Variants in HRH2 observed in about 807,000 individuals in gnomAD.
The protein encoded by HRH2 is histamine H2 receptor.
Under a neutral mutation model 20.1 loss-of-function variants are expected in HRH2, and 4 were observed. That is an observed-to-expected ratio of 0.20 (90% CI 0.10 to 0.45). The LOEUF (loss-of-function observed/expected upper bound fraction) is 0.45. HRH2 is among the 20% of genes least tolerant of loss of function. The probability of loss-of-function intolerance (pLI) is 0.99; values close to 1 mark genes in which losing one functional copy is unlikely to be tolerated. For synonymous variants in HRH2, 197 were observed against 200.7 expected, an observed-to-expected ratio of 0.98 and a Z score of 0.16; for missense variants, 250 against 461.6, an observed-to-expected ratio of 0.54 and a Z score of 4.20.
rs751766075 is a variant in HRH2 at position 175,681,427 on chromosome 5, G to A, written c.-525-1282G>A. 1.4e-4 allele frequency among the ~76,000 whole-genome samples: 22 copies of A among 152,122 alleles called. No homozygotes were observed. The highest frequency in any genetic ancestry group is 2.2e-4 in the Non-Finnish European group (15 of 68,014). ...TAGCTTGCTTCTGAGAGGGGGTTCCGCCATCAACTCGATTTCTGCACACAC... is the reference window on the plus strand; with the variant it reads ...TAGCTTGCTTCTGAGAGGGGGTTCCACCATCAACTCGATTTCTGCACACAC... On this transcript the variant is annotated intron_variant, in intron 1 of 2. Transcript: ENST00000636584. The surrounding 1 kb of genome is among the most constrained non-coding windows in gnomAD (Gnocchi z 4.3).
At chr5:175,674,200 G>A (rs866206207) in intron 1 of HRH2, among the ~76,000 whole-genome samples, 9 of 152,160 alleles carry the variant, frequency 5.9e-5, no homozygotes, top group Admixed American at 6.5e-5. Context: ...TGCCGAGGCT[G>A]GTTTCATGCC....
intron 1 of HRH2, among the ~76,000 whole-genome samples, chr5:175,670,365 T>G (rs1445435459): frequency 6.6e-6 from 1 of 152,196 alleles, no homozygotes; most frequent in African/African-American, 2.4e-5. Flanking sequence ...TGATAAACAT[T>G]GTTTGAACCC....
At chr5:175,700,320 A>G (rs904187787) in intron 2 of HRH2, among the ~76,000 whole-genome samples, 1 of 152,244 alleles carries the variant, frequency 6.6e-6, no homozygotes, top group African/African-American at 2.4e-5. Context: ...GCCTCTGACC[A>G]TCTGTGAATT....
At chr5:175,689,994 T>C (rs1419967214) in intron 2 of HRH2, among the ~76,000 whole-genome samples, 1 of 152,250 alleles carries the variant, frequency 6.6e-6, no homozygotes, top group Non-Finnish European at 1.5e-5. Context: ...ATACACACGC[T>C]TCTGAAGAAG....
intron 1 of HRH2, among the ~76,000 whole-genome samples, chr5:175,674,560 TC>T (rs1041452890): frequency 9.9e-5 from 15 of 152,072 alleles, no homozygotes; most frequent in African/African-American, 3.4e-4. Context: ...GTGAGACTCT[TC>T]CCAGTCTGTG....
rs1756449059 is a variant in HRH2, at chr5:175,693,302, C to T, written c.1076+8993C>T. ...GGTGTGCACAGCCCTTGAGGCTCTC[C>T]TGGGGCATAAGGACCATTCCCTCCC... On this transcript the variant is annotated intron_variant, in intron 2 of 2. Coordinates refer to ENST00000636584, the MANE Select transcript of HRH2 (RefSeq NM_001367711.1). The surrounding 1 kb of genome is among the most constrained non-coding windows in gnomAD (Gnocchi z 4.4). 5.3e-5 allele frequency among the ~76,000 whole-genome samples: 8 copies of T among 152,140 alleles called. No homozygotes were observed.
chr5:175,658,688 T>A (rs181674503), intron 1 of HRH2, among the ~76,000 whole-genome samples: 6 of 151,136 alleles, frequency 4.0e-5, no homozygotes, highest in African/African-American at 1.5e-4. Flanking sequence ...CCTGCCTTCA[T>A]CCCGCTGGGC....
chr5:175,676,098 G>A (rs865990278), intron 1 of HRH2, among the ~76,000 whole-genome samples: 8 of 152,204 alleles, frequency 5.3e-5, no homozygotes, highest in African/African-American at 9.6e-5. Flanking sequence ...TCTTTTGGAC[G>A]GCTTCACCAC....
chr5:175,672,769 A>T (rs1398085806), intron 1 of HRH2, among the ~76,000 whole-genome samples: 1 of 152,134 alleles, frequency 6.6e-6, no homozygotes, highest in African/African-American at 2.4e-5. Context: ...ATAGAGAAAC[A>T]CACGAAATGC....
At chr5:175,666,422 C>A (rs1480282501) in intron 1 of HRH2, among the ~76,000 whole-genome samples, 2 of 152,060 alleles carry the variant, frequency 1.3e-5, no homozygotes, top group Non-Finnish European at 2.9e-5. Flanking sequence ...TGAACTCAGG[C>A]GCAGATTCCT....
In HRH2 at chr5:175,681,998, G is replaced by GA. The variant is rs551025248; in HGVS notation, c.-525-704dup. 7.0e-4 allele frequency among the ~76,000 whole-genome samples: 106 copies of GA among 152,072 alleles called. 1 individual carries two copies. The highest frequency in any genetic ancestry group is 2.3e-3 in the African/African-American group (97 of 41,526). ...ATGGTTTTTACATTTTTAAATTTTG[G>GA]AAAAAAATCAAAAAAAGGAGATTTT... On this transcript the variant is annotated intron_variant, in intron 1 of 2. Transcript: ENST00000636584. The surrounding 1 kb of genome is among the most constrained non-coding windows in gnomAD (Gnocchi z 4.3).
In HRH2 at chr5:175,683,482, G is replaced by C; in HGVS notation, c.249G>C (p.Lys83Asn). The C allele has an allele frequency of 1.2e-6, 2 of 1,614,210 alleles. No individual in the cohort carries two copies. The highest frequency in any genetic ancestry group is 1.7e-6 in the Non-Finnish European group (2 of 1,180,038). Reference sequence around the variant, plus strand: ...CTGCCATCTACCAGCTGTCCTGCAAGTGGAGCTTTGGCAAGGTCTTCTGCA... The same window carrying C: ...CTGCCATCTACCAGCTGTCCTGCAACTGGAGCTTTGGCAAGGTCTTCTGCA... ...PFSAIYQLSC[K>N]WSFGKVFCNI... Residue 83 changes from lysine to asparagine, a missense_variant, in exon 2 of 3, where the codon AAG becomes AAC. By Grantham distance (94) the Lys-to-Asn change is moderately conservative. Transcript: ENST00000636584.
intron 1 of HRH2, among the ~76,000 whole-genome samples, chr5:175,659,976 C>T (rs546983458): frequency 6.6e-6 from 1 of 152,318 alleles, no homozygotes; most frequent in Non-Finnish European, 1.5e-5. Context: ...ATCACCTTGT[C>T]CCGGTTAACC....
intron 1 of HRH2, among the ~76,000 whole-genome samples, chr5:175,659,791 G>A (rs1255673330): frequency 6.6e-6 from 1 of 152,172 alleles, no homozygotes; most frequent in Non-Finnish European, 1.5e-5. Flanking sequence ...GTCATAGGAA[G>A]GACTGCTACA....
At chr5:175,685,466 T>C (rs1024678612) in intron 2 of HRH2, 2 of 1,551,598 alleles carry the variant, frequency 1.3e-6, no homozygotes, top group East Asian at 2.4e-5. Flanking sequence ...CATTCATTCA[T>C]TTGTTCATTC....
In HRH2 at chr5:175,684,151, G is replaced by A; in HGVS notation, c.918G>A (p.Arg306=). The A allele has an allele frequency of 1.9e-6, 3 of 1,614,140 alleles. No individual in the cohort carries two copies. Among genetic ancestry groups the A allele is most frequent in the South Asian group, 1.1e-5 (1 of 91,088 alleles). ...GGTACCAACAGCTCTTCTGCTGCAG[G>A]CTGGCCAACCGCAACTCCCACAAAA... The part of the protein sequence containing the change: ...RTGYQQLFCC[R]LANRNSHKTS... Residue 306 remains arginine (R), a synonymous_variant, in exon 2 of 3, where the codon AGG becomes AGA. Coordinates refer to ENST00000636584, the MANE Select transcript of HRH2 (RefSeq NM_001367711.1).
intron 2 of HRH2, among the ~76,000 whole-genome samples, chr5:175,697,479 A>C (rs1289377699): frequency 2.7e-5 from 4 of 150,330 alleles, no homozygotes. Context: ...AAAAAAAAAA[A>C]AGAGGATGCC....
At chr5:175,703,797 C>T (rs1052975524) in intron 2 of HRH2, 4 of 151,916 alleles carry the variant, frequency 2.6e-5, no homozygotes. Flanking sequence ...CAAGAAAAAA[C>T]TAAGGTGAAG....
rs183659045 is a variant in HRH2 at position 175,681,608 on chromosome 5, G to A, written c.-525-1101G>A. ...CCTTGGAGATTACCTAGTGACCAGG[G>A]GCTCTTATTTAATCAAGAGGCATTG... On this transcript the variant is annotated intron_variant, in intron 1 of 2. Transcript: ENST00000636584. This position sits in a 1 kb window ranked among gnomAD's most constrained non-coding sequence, Gnocchi z 4.3. Among the ~76,000 whole-genome samples, 1 of 152,178 alleles carries A rather than the reference G, an allele frequency of 6.6e-6. No homozygotes were observed. The highest frequency in any genetic ancestry group is 1.5e-5 in the Non-Finnish European group (1 of 68,030).
Sources: allele counts gnomAD v4.1 joint callset (sites outside exome capture counted in the v4.1 genomes callset), GRCh38; gene constraint gnomAD v4.1.1; non-coding constraint Gnocchi (gnomAD v3.1); transcripts MANE v1.5; gene names NCBI Gene and HGNC (gene_info 2026-07-23, HGNC 2026-07-21).